ABCB7: variants seen among roughly 807,000 people sequenced by gnomAD.
ABCB7 encodes iron-sulfur clusters transporter ABCB7, mitochondrial.
A neutral mutation model predicts 54.4 loss-of-function variants in ABCB7; 7 were observed. The observed-to-expected ratio is 0.13, with a 90% CI of 0.07 to 0.24. ABCB7 has a LOEUF of 0.24. Ranked by LOEUF, ABCB7 falls within the 10% of genes least tolerant of loss-of-function variation. ABCB7 has a pLI of 1.00. For missense variants in ABCB7, 356 were observed against 570.4 expected, an observed-to-expected ratio of 0.62 and a Z score of 3.83; for synonymous variants, 218 against 207.1, an observed-to-expected ratio of 1.05 and a Z score of -0.45.
intron 4 of ABCB7, among the ~76,000 whole-genome samples, chrX:75,081,167 CAT>C (rs769933645): frequency 1.3e-4 from 14 of 111,926 alleles, no homozygotes; most frequent in Non-Finnish European, 1.7e-4. Flanking sequence ...TTTAAAAAAT[CAT>C]ATCAAGAACC....
intron 1 of ABCB7, among the ~76,000 whole-genome samples, chrX:75,129,788 A>AT (rs963644322): frequency 9.1e-6 from 1 of 109,929 alleles, no homozygotes; most frequent in Non-Finnish European, 1.9e-5. Flanking sequence ...TTGCTAAGGT[A>AT]TTTTTACATT....
intron 4 of ABCB7, among the ~76,000 whole-genome samples, chrX:75,078,352 T>G (rs1386470799): frequency 8.9e-6 from 1 of 111,824 alleles, no homozygotes; most frequent in African/African-American, 3.3e-5. Flanking sequence ...CCTCAATATT[T>G]ATCACTTTTA....
At chrX:75,147,536 G>A (rs949618565) in intron 1 of ABCB7, among the ~76,000 whole-genome samples, 1 of 111,368 alleles carries the variant, frequency 9.0e-6, no homozygotes, top group African/African-American at 3.3e-5. Context: ...GGCTGGAGCT[G>A]GAGGCCATTA....
intron 3 of ABCB7, among the ~76,000 whole-genome samples, chrX:75,111,841 GT>G (rs1453335724): frequency 1.8e-5 from 2 of 112,164 alleles, no homozygotes; most frequent in African/African-American, 6.5e-5. Flanking sequence ...TTTTGGTTGT[GT>G]TTAGATTATT....
intron 3 of ABCB7, among the ~76,000 whole-genome samples, chrX:75,111,871 G>A (rs955796482): frequency 1.8e-5 from 2 of 111,988 alleles, no homozygotes; most frequent in African/African-American, 6.5e-5. Flanking sequence ...TCCTTAAGAG[G>A]CCTTGGTGAC....
intron 4 of ABCB7, among the ~76,000 whole-genome samples, chrX:75,085,309 C>T (rs2081488354): frequency 8.9e-6 from 1 of 111,941 alleles, no homozygotes. Flanking sequence ...GATGAATGAC[C>T]AAGACATCAT....
At chrX:75,126,089 CT>C (rs770378068) in intron 1 of ABCB7, among the ~76,000 whole-genome samples, 5 of 111,366 alleles carry the variant, frequency 4.5e-5, no homozygotes, top group African/African-American at 1.3e-4. Flanking sequence ...TAAGAGCTAA[CT>C]TTTTTTTAAA....
At chrX:75,120,888 A>G (rs1008849919) in intron 1 of ABCB7, among the ~76,000 whole-genome samples, 1 of 110,779 alleles carries the variant, frequency 9.0e-6, no homozygotes, top group African/African-American at 3.3e-5. Flanking sequence ...AAAGGAATTT[A>G]AACAACTGAT....
At chrX:75,110,602 G>A (rs2081751165) in intron 3 of ABCB7, among the ~76,000 whole-genome samples, 1 of 112,051 alleles carries the variant, frequency 8.9e-6, no homozygotes, top group African/African-American at 3.2e-5. Flanking sequence ...ATAAAAAAGA[G>A]TATGTCAAGC....
intron 3 of ABCB7, among the ~76,000 whole-genome samples, chrX:75,106,999 C>T (rs1259844621): frequency 9.0e-6 from 1 of 110,890 alleles, no homozygotes; most frequent in Non-Finnish European, 1.9e-5. Flanking sequence ...TTGCTGACAC[C>T]ACCCCTCCCC....
chrX:75,140,940 T>G (rs995827380), intron 1 of ABCB7, among the ~76,000 whole-genome samples: 3 of 111,933 alleles, frequency 2.7e-5, no homozygotes, highest in African/African-American at 9.7e-5. Context: ...AGTTGTGGAA[T>G]GAAGTAGAAG....
chrX:75,079,174 T>G (rs1303327161), intron 4 of ABCB7, among the ~76,000 whole-genome samples: 1 of 112,128 alleles, frequency 8.9e-6, no homozygotes, highest in East Asian at 2.8e-4. Flanking sequence ...ATCTGCATTG[T>G]GTTGTTAGTG....
At chrX:75,056,381 T>C (rs1288353410) in intron 15 of ABCB7, among the ~76,000 whole-genome samples, 1 of 112,101 alleles carries the variant, frequency 8.9e-6, no homozygotes, top group African/African-American at 3.2e-5. Flanking sequence ...ATTTTTGTTT[T>C]AGCAGTATCA....
intron 1 of ABCB7, among the ~76,000 whole-genome samples, chrX:75,137,113 G>A (rs1339799720): frequency 8.9e-6 from 1 of 111,860 alleles, no homozygotes; most frequent in Non-Finnish European, 1.9e-5. Context: ...AGAATGGGGG[G>A]TAATATTTGC....
At chrX:75,081,640 A>C (rs2081456379) in intron 4 of ABCB7, among the ~76,000 whole-genome samples, 2 of 112,286 alleles carry the variant, frequency 1.8e-5, no homozygotes, top group African/African-American at 6.5e-5. Context: ...GAAGAAATTA[A>C]ATTGATGCAC....
chrX:75,053,608 A>G (rs1323552298), intron 15 of ABCB7, 23 bp from the exon 16 acceptor site: 1 of 1,169,314 alleles, frequency 8.6e-7, no homozygotes, highest in Non-Finnish European at 1.1e-6. Context: ...CACATGAGAA[A>G]CACGGAGAAA....
intron 1 of ABCB7, among the ~76,000 whole-genome samples, chrX:75,121,787 C>G (rs1370582759): frequency 8.9e-6 from 1 of 112,283 alleles, no homozygotes; most frequent in African/African-American, 3.2e-5. Flanking sequence ...TAAGTTTACT[C>G]AATCTTAAAT....
intron 6 of ABCB7, among the ~76,000 whole-genome samples, chrX:75,075,127 G>A (rs2081397321): frequency 8.9e-6 from 1 of 111,884 alleles, no homozygotes; most frequent in Non-Finnish European, 1.9e-5. Flanking sequence ...GTAAGTACTA[G>A]TTGATGACTA....
Position 75,062,443 on chromosome X carries a change from A to C in ABCB7, c.1832-12T>G, listed in dbSNP as rs1295891782. 2.5e-6 allele frequency: 3 copies of C among 1,179,583 alleles called. No homozygotes were observed. Among genetic ancestry groups the C allele is most frequent in the Non-Finnish European group, 3.5e-6 (3 of 866,648 alleles). ...TTGCTTTTCTCCTCCTGGTAAAGGA[A>C]AATTTTACTTTAAGGAAGCATAGTG... is the stretch of plus-strand genomic sequence containing the variant. On this transcript the variant is annotated splice_polypyrimidine_tract_variant and intron_variant, in intron 13 of 15. Transcript: ENST00000373394.
Sources: allele counts gnomAD v4.1 joint callset (sites outside exome capture counted in the v4.1 genomes callset), GRCh38; gene constraint gnomAD v4.1.1; transcripts MANE v1.5; gene names NCBI Gene and HGNC (gene_info 2026-07-23, HGNC 2026-07-21).